FAHD1: variants seen among roughly 807,000 people sequenced by gnomAD.
FAHD1 encodes the protein FAH domain containing oxaloacetate decarboxylase 1, also known as oxaloacetate tautomerase FAHD1, mitochondrial.
A neutral mutation model predicts 12.7 loss-of-function variants in FAHD1; 14 were observed. That is an observed-to-expected ratio of 1.10 (90% confidence interval 0.73 to 1.72). The LOEUF (loss-of-function observed/expected upper bound fraction) is 1.72, where lower values mean the gene tolerates loss of function less well. Among genes scored for constraint, FAHD1 ranks in the 40% most tolerant of loss-of-function variants. The probability of loss-of-function intolerance (pLI) is 0.00; values close to 1 mark genes in which losing one functional copy is unlikely to be tolerated. For synonymous variants in FAHD1, 153 were observed against 124.9 expected, an observed-to-expected ratio of 1.22 and a Z score of -1.50; for missense variants, 351 against 298.9, an observed-to-expected ratio of 1.17 and a Z score of -1.29.
At chr16:1,827,641 G>C in exon 1 of FAHD1, 1 of 1,614,058 alleles carries the variant, frequency 6.2e-7, no homozygotes, top group South Asian at 1.1e-5. Context: ...CGTGCCCAAG[G>C]AGAAGATCCC....
At chr16:1,834,242 A>C in intron 1 of FAHD1, 4 of 1,458,326 alleles carry the variant, frequency 2.7e-6, no homozygotes, top group Non-Finnish European at 3.8e-6. Flanking sequence ...CAGAGTTCAA[A>C]ATGATAGACC....
At chr16:1,830,915 T>TCTACACACACACACACACACAC (rs1326026830), downstream of FAHD1, among the ~76,000 whole-genome samples, 16 of 37,564 alleles carry the variant, frequency 4.3e-4, no homozygotes, top group African/African-American at 1.3e-3. Flanking sequence ...TCTCTCTCTC[T>TCTACACACACACACACACACAC]ATACACACAC....
chr16:1,827,546 G>A (rs761968538), exon 1 of FAHD1: 1 of 1,613,314 alleles, frequency 6.2e-7, no homozygotes, highest in Non-Finnish European at 8.5e-7. Context: ...ATGACCGCCC[G>A]GGACGTGCAG....
chr16:1,835,964 ATTCTACT>A (rs981832026), intron 1 of FAHD1, among the ~76,000 whole-genome samples: 8 of 151,688 alleles, frequency 5.3e-5, no homozygotes, highest in Non-Finnish European at 8.8e-5. Context: ...GGTTCAAGCA[ATTCTACT>A]GCCTCAGCCT....
At chr16:1,830,476 A>C (rs1314738101), downstream of FAHD1, among the ~76,000 whole-genome samples, 1 of 152,212 alleles carries the variant, frequency 6.6e-6, no homozygotes, top group Non-Finnish European at 1.5e-5. Context: ...CAGACTATTA[A>C]AGTCAAAGTT....
chr16:1,827,713 A>G (rs779029732), exon 1 of FAHD1: 1 of 1,614,042 alleles, frequency 6.2e-7, no homozygotes, highest in Non-Finnish European at 8.5e-7. Flanking sequence ...GGAGGGTGAG[A>G]CATCCTCCAT....
At chr16:1,837,090 T>A (rs1455583288) in intron 1 of FAHD1, among the ~76,000 whole-genome samples, 1 of 152,152 alleles carries the variant, frequency 6.6e-6, no homozygotes, top group East Asian at 1.9e-4. Context: ...CTTTTCCTCC[T>A]CTGACACCTT....
chr16:1,839,599 A>G (rs1898845763), exon 3 of FAHD1: 1 of 608,082 alleles, frequency 1.6e-6, no homozygotes, highest in Non-Finnish European at 2.7e-6. Flanking sequence ...AAAAACAGTA[A>G]AACACACTTT....
downstream of FAHD1, among the ~76,000 whole-genome samples, chr16:1,831,401 T>C (rs1047651802): frequency 1.3e-5 from 2 of 152,188 alleles, no homozygotes; most frequent in African/African-American, 2.4e-5. Context: ...CTGGGCTGGA[T>C]ATCAGCTTCA....
chr16:1,829,659 T>G (rs1898588298), downstream of FAHD1, among the ~76,000 whole-genome samples: 1 of 146,006 alleles, frequency 6.8e-6, no homozygotes, highest in South Asian at 2.3e-4. Context: ...ACTTTTAGTA[T>G]TATTTTTTCA....
intron 1 of FAHD1, chr16:1,834,281 T>C: frequency 6.2e-7 from 1 of 1,610,160 alleles, no homozygotes; most frequent in Middle Eastern, 1.7e-4. Flanking sequence ...TCCAGACAAG[T>C]TTCTGCTTGC....
Position 1,839,400 on chromosome 16 carries a change from A to G in FAHD1, c.*147A>G, listed in dbSNP as rs1366715053. On this transcript the variant is annotated 3_prime_UTR_variant, in exon 3 of 3. Transcript: ENST00000382666. ...GGAGTTTTTGTTGCAAGTTGTGCAC[A>G]TGTTAGATGCTTCATTTACAATATA... 6.2e-7 allele frequency: 1 copy of G among 1,613,398 alleles called. No individual in the cohort carries two copies. The highest frequency in any genetic ancestry group is 1.1e-5 in the South Asian group (1 of 90,820).
At chr16:1,835,730 T>C (rs1276635469) in intron 1 of FAHD1, among the ~76,000 whole-genome samples, 1 of 152,200 alleles carries the variant, frequency 6.6e-6, no homozygotes, top group East Asian at 1.9e-4. Flanking sequence ...GCTCATGGAA[T>C]CCCCATGAAG....
At chr16:1,838,006 T>C in intron 1 of FAHD1, 1 of 1,437,462 alleles carries the variant, frequency 7.0e-7, no homozygotes, top group African/African-American at 1.4e-5. Context: ...TCGTTTGTTT[T>C]TGTTTGTAGA....
chr16:1,835,581 A>G (rs1169797976), intron 1 of FAHD1, among the ~76,000 whole-genome samples: 3 of 152,156 alleles, frequency 2.0e-5, no homozygotes, highest in Admixed American at 6.6e-5. Context: ...TACCCTTTCA[A>G]TGGAATGTTG....
At chr16:1,833,637 C>T (rs1484975432), downstream of FAHD1, among the ~76,000 whole-genome samples, 1 of 147,388 alleles carries the variant, frequency 6.8e-6, no homozygotes, top group Non-Finnish European at 1.5e-5. Context: ...TCTCAGCTCA[C>T]TACAACCTCC....
At chr16:1,828,252 G>A (rs1249067077) in exon 1 of FAHD1, 7 of 971,130 alleles carry the variant, frequency 7.2e-6, no homozygotes, top group African/African-American at 1.8e-5. Context: ...CTGTACTCCT[G>A]GGCAACAGCG....
intron 2 of FAHD1, among the ~76,000 whole-genome samples, chr16:1,839,058 T>C (rs1898827063): frequency 6.6e-6 from 1 of 152,198 alleles, no homozygotes; most frequent in Non-Finnish European, 1.5e-5. Flanking sequence ...ATAGTAAATA[T>C]TAGCTAGGAT....
At chr16:1,827,598 G>C (rs1898514827) in exon 1 of FAHD1, 1 of 1,613,702 alleles carries the variant, frequency 6.2e-7, no homozygotes, top group South Asian at 1.1e-5. Context: ...CTCTGGCGAA[G>C]AGCTTCACGG....
Sources: gnomAD v4.1 joint callset for allele counts (sites outside exome capture counted in the v4.1 genomes callset) on GRCh38, gnomAD v4.1.1 for gene constraint, MANE v1.5 for transcripts, NCBI Gene and HGNC (gene_info 2026-07-23, HGNC 2026-07-21) for gene names.